PRMT8: variants seen among roughly 807,000 people sequenced by gnomAD.
PRMT8 encodes the protein protein arginine methyltransferase 8, also known as protein arginine N-methyltransferase 8.
PRMT8 carries 7 observed loss-of-function variants against 47.1 expected under a neutral mutation model. That is an observed-to-expected ratio of 0.15 (90% confidence interval 0.08 to 0.28). PRMT8 has a LOEUF of 0.28. Among genes scored for constraint, PRMT8 ranks in the 10% least tolerant of loss-of-function variants. The pLI, the probability that PRMT8 is intolerant of heterozygous loss-of-function variation, is 1.00. For synonymous variants in PRMT8, 188 were observed against 186.5 expected, an observed-to-expected ratio of 1.01 and a Z score of -0.07; for missense variants, 237 against 505.4, an observed-to-expected ratio of 0.47 and a Z score of 5.09.
intron 1 of PRMT8, among the ~76,000 whole-genome samples, chr12:3,510,122 GT>G (rs1458819808): frequency 1.3e-5 from 2 of 152,196 alleles, no homozygotes; most frequent in African/African-American, 4.8e-5. Flanking sequence ...AGAAGATGCA[GT>G]GGGGGATGTT....
intron 1 of PRMT8, among the ~76,000 whole-genome samples, chr12:3,397,230 C>G (rs1341142202): frequency 6.6e-6 from 1 of 151,984 alleles, no homozygotes; most frequent in Non-Finnish European, 1.5e-5. Context: ...CATTCTCCGT[C>G]CAGCTTTGTT....
intron 1 of PRMT8, among the ~76,000 whole-genome samples, chr12:3,494,234 C>T (rs1275578007): frequency 6.6e-6 from 1 of 152,146 alleles, no homozygotes; most frequent in African/African-American, 2.4e-5. Context: ...ATGAGGACCA[C>T]CTGGTCCCTC....
At chr12:3,536,892 A>G (rs1399704527) in intron 1 of PRMT8, among the ~76,000 whole-genome samples, 1 of 152,250 alleles carries the variant, frequency 6.6e-6, no homozygotes, top group African/African-American at 2.4e-5. Context: ...TGGCTACACC[A>G]CAGTTTAATG....
chr12:3,525,191 C>T (rs999811797), intron 1 of PRMT8, among the ~76,000 whole-genome samples: 59 of 152,166 alleles, frequency 3.9e-4, no homozygotes, highest in Middle Eastern at 3.4e-3. Context: ...CCTCGCACTC[C>T]GGCCTGGGTG....
At chr12:3,559,290 C>T (rs902012824) in intron 4 of PRMT8, among the ~76,000 whole-genome samples, 5 of 152,142 alleles carry the variant, frequency 3.3e-5, no homozygotes, top group Admixed American at 6.5e-5. Context: ...CCAGGCTTGT[C>T]TTGTGCCTCC....
intron 6 of PRMT8, chr12:3,573,886 G>C (rs1866893580): frequency 6.6e-6 from 1 of 152,008 alleles, no homozygotes; most frequent in Non-Finnish European, 1.5e-5. Context: ...AATAATTATT[G>C]CAACAAATAA....
intron 1 of PRMT8, chr12:3,381,589 C>T (rs1183242435): frequency 8.1e-6 from 6 of 740,926 alleles, no homozygotes; most frequent in African/African-American, 7.0e-5. Flanking sequence ...AAGTTCATAA[C>T]ATGCTGCTCT....
chr12:3,447,301 G>A (rs531629721), intron 1 of PRMT8, among the ~76,000 whole-genome samples: 13 of 152,310 alleles, frequency 8.5e-5, no homozygotes, highest in Admixed American at 3.9e-4. Context: ...TGTCAGCAGT[G>A]CTGCTCTTTC....
At chr12:3,399,714 G>A (rs993217029) in intron 1 of PRMT8, among the ~76,000 whole-genome samples, 2 of 152,122 alleles carry the variant, frequency 1.3e-5, no homozygotes. Context: ...CAATGACGTA[G>A]GCTTATTATC....
chr12:3,406,064 C>A, intron 1 of PRMT8, among the ~76,000 whole-genome samples: 1 of 152,366 alleles, frequency 6.6e-6, no homozygotes, highest in East Asian at 1.9e-4. Context: ...GAAATCTAAG[C>A]AGAGGTTCCC....
intron 1 of PRMT8, among the ~76,000 whole-genome samples, chr12:3,524,896 G>A (rs1188135761): frequency 6.6e-6 from 1 of 152,182 alleles, no homozygotes; most frequent in Non-Finnish European, 1.5e-5. Context: ...GTTTAAATGG[G>A]TAAGTTTGTT....
chr12:3,584,301 C>G (rs528931031), intron 8 of PRMT8, among the ~76,000 whole-genome samples: 56 of 152,276 alleles, frequency 3.7e-4, no homozygotes, highest in African/African-American at 1.3e-3. Context: ...TGAAGTTAAT[C>G]ACCTCTTTTA....
intron 1 of PRMT8, among the ~76,000 whole-genome samples, chr12:3,532,075 C>T (rs1045150559): frequency 1.3e-5 from 2 of 152,068 alleles, no homozygotes; most frequent in Non-Finnish European, 2.9e-5. Flanking sequence ...GCTGGAGATC[C>T]ACCAGCGACG....
rs1409346320 is a variant in PRMT8, at chr12:3,479,222, CAGG to C, written c.49-61382_49-61380del. 7.2e-5 allele frequency among the ~76,000 whole-genome samples: 11 copies of C among 152,358 alleles called. No homozygotes were observed. In the East Asian group the frequency reaches 1.9e-3, roughly 27 times the overall value. On this transcript the variant is annotated intron_variant, in intron 1 of 9. Transcript: ENST00000452611. The stretch of plus-strand genomic sequence containing the variant: ...GAAAACCAAGTGGGACTAATGTTCC[CAGG>C]ACAGGTTCATGCCTCCCAATGGCTT...
chr12:3,482,527 G>A (rs1420651907), intron 1 of PRMT8, among the ~76,000 whole-genome samples: 1 of 152,212 alleles, frequency 6.6e-6, no homozygotes, highest in Non-Finnish European at 1.5e-5. Context: ...AATATGGTGT[G>A]CAAGCTGGAG....
chr12:3,475,572 G>T (rs535256656), intron 1 of PRMT8, among the ~76,000 whole-genome samples: 7 of 152,322 alleles, frequency 4.6e-5, no homozygotes, highest in East Asian at 3.9e-4. Flanking sequence ...TGTCCGCAGC[G>T]TCCTTATGTC....
chr12:3,589,111 G>A (rs1413944293), intron 8 of PRMT8, among the ~76,000 whole-genome samples: 1 of 152,190 alleles, frequency 6.6e-6, no homozygotes, highest in Non-Finnish European at 1.5e-5. Flanking sequence ...TGATGCAATG[G>A]CTTAGTAAGT....
In PRMT8 at chr12:3,397,282, G is replaced by A. The variant is rs566746084; in HGVS notation, c.48+15840G>A. Among the ~76,000 whole-genome samples, 149 of 152,030 alleles carry A rather than the reference G, an allele frequency of 9.8e-4. 4 individuals carry two copies. The highest frequency in any genetic ancestry group is 8.9e-4 in the African/African-American group (37 of 41,558). ...ACTGCGTTCCTTTGGAGGAGGAGAG[G>A]TGCTCTGCGTTTTAGAGTTTCCAGT... On this transcript the variant is annotated intron_variant, in intron 1 of 9. Transcript: ENST00000452611.
intron 1 of PRMT8, among the ~76,000 whole-genome samples, chr12:3,475,630 C>T (rs1037508719): frequency 6.6e-5 from 10 of 152,182 alleles, no homozygotes; most frequent in Admixed American, 1.3e-4. Context: ...CTGGGGTATT[C>T]GCCACTTTTG....
Sources: allele counts gnomAD v4.1 joint callset (sites outside exome capture counted in the v4.1 genomes callset), GRCh38; gene constraint gnomAD v4.1.1; transcripts MANE v1.5; gene names NCBI Gene and HGNC (gene_info 2026-07-23, HGNC 2026-07-21).